PLOD1: variants seen among roughly 807,000 people sequenced by gnomAD.
The protein encoded by PLOD1 is procollagen-lysine,2-oxoglutarate 5-dioxygenase 1.
PLOD1 carries 70 observed loss-of-function variants against 94.7 expected under a neutral mutation model. The observed-to-expected ratio is 0.74, with a 90% confidence interval of 0.61 to 0.90. The LOEUF is 0.90. PLOD1 is among the 40% of genes least tolerant of loss of function. The pLI is 0.00. For synonymous variants in PLOD1, 417 were observed against 400.2 expected (o/e 1.04, Z -0.50); for missense variants, 905 against 972.7 (o/e 0.93, Z 0.93).
In PLOD1 at chr1:11,957,834, C is replaced by T; in HGVS notation, c.742-8C>T. Reference sequence around the variant, plus strand: ...TGGCTTCTCTGTGACCCCACGTCTCCCCGACAGCTGCAGTTGAACTACCTG... The same window carrying T: ...TGGCTTCTCTGTGACCCCACGTCTCTCCGACAGCTGCAGTTGAACTACCTG... On this transcript the variant is annotated splice_region_variant and splice_polypyrimidine_tract_variant and intron_variant, in intron 7 of 18. Transcript: ENST00000196061. This position sits in a 1 kb window ranked among gnomAD's most constrained non-coding sequence, Gnocchi z 4.1. 4 of 1,608,968 alleles carry T rather than the reference C, an allele frequency of 2.5e-6. No individual in the cohort carries two copies. The highest frequency in any genetic ancestry group is 2.7e-5 in the African/African-American group (2 of 74,914).
In PLOD1 at chr1:11,970,797, A is replaced by G; in HGVS notation, c.1883A>G (p.Tyr628Cys). ...ATTGCGCCCATGACGGAGAAGCTCT[A>G]CCCCGGCTACTACACCAGGGTGGGC... ...EYIAPMTEKLYPGYYTRAQFD... is the reference protein window; with the variant it reads ...EYIAPMTEKLCPGYYTRAQFD... Residue 628 changes from tyrosine to cysteine, a missense_variant, in exon 17 of 19, where the codon TAC (tyrosine) becomes TGC (cysteine). Coordinates refer to ENST00000196061, the MANE Select transcript of PLOD1 (RefSeq NM_000302.4). 1 of 1,595,456 alleles carries G rather than the reference A, an allele frequency of 6.3e-7. No homozygotes were observed. The highest frequency in any genetic ancestry group is 1.7e-5 in the Admixed American group (1 of 58,002).
At chr1:11,964,117 T>C (rs1470483520) in intron 11 of PLOD1, 58 bp from the exon 12 acceptor site, 1 of 1,575,538 alleles carries the variant, frequency 6.3e-7, no homozygotes, top group Non-Finnish European at 8.7e-7. Context: ...CCCTGGTTAG[T>C]GCTGTCTCCT....
At chr1:11,947,504 A>C (rs1645664314) in intron 1 of PLOD1, among the ~76,000 whole-genome samples, 1 of 152,114 alleles carries the variant, frequency 6.6e-6, no homozygotes, top group Non-Finnish European at 1.5e-5. Context: ...CAGGAGGTGG[A>C]GGTTGCAGTG....
chr1:11,936,928 A>ACCT (rs1349640643), intron 1 of PLOD1, among the ~76,000 whole-genome samples: 1 of 148,758 alleles, frequency 6.7e-6, no homozygotes, highest in Non-Finnish European at 1.5e-5. Context: ...GCTCACTGCA[A>ACCT]CCTCCGCCTC....
rs200458442 is a variant in PLOD1 at position 11,962,277 on chromosome 1, T to TC, written c.1098-1255_1098-1254insC. 3.6e-3 allele frequency among the ~76,000 whole-genome samples: 473 copies of TC among 130,932 alleles called. 9 individuals are homozygous for TC. The highest frequency in any genetic ancestry group is 0.034 in the East Asian group (159 of 4,742). The allele number at this position is 130,932 out of a possible 152,430, so 85.9% of individuals were successfully genotyped here. On this transcript the variant is annotated intron_variant, in intron 10 of 18. Coordinates refer to ENST00000196061, the MANE Select transcript of PLOD1 (RefSeq NM_000302.4). Reference sequence around the variant, plus strand: ...ATCTTCTTTTGATTTTTGTTTTCTTTTTTTTTTTTTTTTTTTTGAGATGGA... The same window carrying TC: ...ATCTTCTTTTGATTTTTGTTTTCTTTCTTTTTTTTTTTTTTTTTGAGATGGA...
intron 1 of PLOD1, among the ~76,000 whole-genome samples, chr1:11,939,360 G>T (rs768560510): frequency 6.6e-6 from 1 of 152,126 alleles, no homozygotes; most frequent in Non-Finnish European, 1.5e-5. Context: ...GATGAAGGAT[G>T]GGGGAGGGGA....
At chr1:11,934,935 TGAATGGGAGG>T (rs1645568163) in intron 1 of PLOD1, 80 bp downstream of exon 1, 1 of 1,478,390 alleles carries the variant, frequency 6.8e-7, no homozygotes, top group African/African-American at 1.4e-5. Context: ...GGGAACGACC[TGAATGGGAGG>T]CCTGGGCTGG....
intron 1 of PLOD1, among the ~76,000 whole-genome samples, chr1:11,938,114 G>A (rs982506736): frequency 6.6e-6 from 1 of 151,696 alleles, no homozygotes; most frequent in Admixed American, 6.6e-5. Flanking sequence ...CACCATGCCT[G>A]GCTAATTTTT....
chr1:11,965,314 G>A (rs956993657), intron 13 of PLOD1, among the ~76,000 whole-genome samples, 166 bp from the exon 14 acceptor site: 7 of 151,970 alleles, frequency 4.6e-5, no homozygotes, highest in Non-Finnish European at 8.8e-5. Flanking sequence ...GGCCTGGGCT[G>A]GGCCCTGGGG....
chr1:11,942,376 G>A (rs1645621240), intron 1 of PLOD1, among the ~76,000 whole-genome samples: 1 of 152,198 alleles, frequency 6.6e-6, no homozygotes, highest in African/African-American at 2.4e-5. Flanking sequence ...GGAGACCAAG[G>A]AAATAAAGAT....
chr1:11,935,192 G>A (rs1358688362), intron 1 of PLOD1, among the ~76,000 whole-genome samples: 2 of 152,220 alleles, frequency 1.3e-5, no homozygotes, highest in Non-Finnish European at 2.9e-5. Context: ...ACCCTGGTAA[G>A]TGTTTCCTTC....
In PLOD1 at chr1:11,963,756, C is replaced by T. The variant is rs1475793118; in HGVS notation, c.1202+120C>T. ...CCTCCTCTTCCTCCTCTTTTTCCTT[C>T]TCCTGCTCCTCTTTCTCCTCCTCGT... On this transcript the variant is annotated intron_variant, in intron 11 of 18. Transcript: ENST00000196061. The surrounding 1 kb of genome is among the most constrained non-coding windows in gnomAD (Gnocchi z 4.3). 2 of 710,226 alleles carry T rather than the reference C, an allele frequency of 2.8e-6. No individual in the cohort carries two copies. Among genetic ancestry groups the T allele is most frequent in the Non-Finnish European group, 5.1e-6 (2 of 389,768 alleles). 44.0% of individuals were successfully genotyped at this position (710,226 alleles called of 1,614,324 possible).
At chr1:11,936,448 AAC>A (rs961904308) in intron 1 of PLOD1, among the ~76,000 whole-genome samples, 1 of 151,526 alleles carries the variant, frequency 6.6e-6, no homozygotes, top group African/African-American at 2.4e-5. Context: ...CCTCCTGGAG[AAC>A]CTGAAACTGT....
At chr1:11,964,147 C>T (rs1645798805) in intron 11 of PLOD1, 28 bp from the exon 12 acceptor site, 2 of 1,612,778 alleles carry the variant, frequency 1.2e-6, no homozygotes, top group Admixed American at 1.7e-5. Context: ...GGGCAGCGAC[C>T]TCCTACTGAG....
At chr1:11,937,641 G>A (rs528043029) in intron 1 of PLOD1, among the ~76,000 whole-genome samples, 16 of 152,282 alleles carry the variant, frequency 1.1e-4, no homozygotes, top group Admixed American at 1.0e-3. Context: ...ATTGAAGAGG[G>A]ACCAGACTGA....
In PLOD1 at chr1:11,949,927, T is replaced by C. The variant is rs1264345815; in HGVS notation, c.302+21T>C. ...GACAGGTAGGTGGGTCAGGGCTTCCTAGCCTGGGCCCCTCCGCGGAAGATA... is the reference window on the plus strand; with the variant it reads ...GACAGGTAGGTGGGTCAGGGCTTCCCAGCCTGGGCCCCTCCGCGGAAGATA... On this transcript the variant is annotated intron_variant, in intron 3 of 18. Coordinates refer to ENST00000196061, the MANE Select transcript of PLOD1 (RefSeq NM_000302.4). 4 of 1,611,674 alleles carry C rather than the reference T, an allele frequency of 2.5e-6. No individual in the cohort carries two copies. In the African/African-American group the frequency reaches 5.3e-5, roughly 22 times the overall value.
intron 9 of PLOD1, among the ~76,000 whole-genome samples, chr1:11,959,592 G>T (rs572798267): frequency 6.7e-6 from 1 of 149,732 alleles, no homozygotes; most frequent in Non-Finnish European, 1.5e-5. Context: ...ACAGGCATGC[G>T]CCATCACAAC....
intron 10 of PLOD1, among the ~76,000 whole-genome samples, chr1:11,961,829 C>G (rs758231829): frequency 6.6e-6 from 1 of 152,174 alleles, no homozygotes; most frequent in Non-Finnish European, 1.5e-5. Flanking sequence ...CACTCCGTCA[C>G]TCAGGCTGGA....
intron 9 of PLOD1, among the ~76,000 whole-genome samples, chr1:11,959,713 G>A (rs1381025988): frequency 6.6e-6 from 1 of 151,120 alleles, no homozygotes; most frequent in Non-Finnish European, 1.5e-5. Context: ...TGCCTCCCAG[G>A]TTCAAGCCAT....
Sources: allele counts gnomAD v4.1 joint callset (sites outside exome capture counted in the v4.1 genomes callset), GRCh38; gene constraint gnomAD v4.1.1; non-coding constraint Gnocchi (gnomAD v3.1); transcripts MANE v1.5; gene names NCBI Gene and HGNC (gene_info 2026-07-23, HGNC 2026-07-21).